ZFY: variants seen among roughly 807,000 people sequenced by gnomAD.
The protein encoded by ZFY is zinc finger protein Y-linked.
For missense variants in ZFY, 113 were observed against 170.9 expected (o/e 0.66, Z 1.89); for synonymous variants, 47 against 55.8 (o/e 0.84, Z 0.71).
chrY:2,945,903 T>C (rs2051261128), intron 1 of ZFY, among the ~76,000 whole-genome samples: 3 of 33,831 alleles, frequency 8.9e-5, no homozygotes, highest in Non-Finnish European at 1.5e-4. Context: ...ATTATGTCAC[T>C]ATTTTCTTTT....
At chrY:2,957,869 G>T (rs2051297814) in intron 2 of ZFY, among the ~76,000 whole-genome samples, 1 of 33,699 alleles carries the variant, frequency 3.0e-5, no homozygotes, top group Non-Finnish European at 7.4e-5. Flanking sequence ...CAGTTTCATT[G>T]TTCTCTGGAT....
intron 3 of ZFY, among the ~76,000 whole-genome samples, chrY:2,973,809 T>G: frequency 3.0e-5 from 1 of 33,232 alleles, no homozygotes; most frequent in African/African-American, 1.2e-4. Context: ...GAATGTATTT[T>G]TTAAGACATT....
chrY:2,979,788 T>C lies in ZFY; in HGVS notation c.2201T>C (p.Met734Thr). 2 of 399,276 alleles carry C rather than the reference T, an allele frequency of 5.0e-6. No individual in the cohort carries two copies. The highest frequency in any genetic ancestry group is 3.0e-5 in the South Asian group (1 of 33,823). ...CAACAAAATGAGCTTAAAAAGCATA[T>C]GAAGACACACAGTGGCAGGAAAGTA... is the stretch of plus-strand genomic sequence containing the variant. The part of the protein sequence containing the change: ...FRQQNELKKH[M>T]KTHSGRKVYQ... The change falls in exon 8 of 8, where the codon ATG becomes ACG. Residue 734 changes from methionine (M) to threonine (T), a missense_variant. Coordinates refer to ENST00000155093, the MANE Select transcript of ZFY (RefSeq NM_003411.4).
intron 3 of ZFY, among the ~76,000 whole-genome samples, chrY:2,963,546 T>C: frequency 3.0e-5 from 1 of 33,767 alleles, no homozygotes; most frequent in Non-Finnish European, 7.4e-5. Context: ...AGGTGAACTT[T>C]ATAGCTGAAC....
At chrY:2,960,738 T>G (rs2051306455) in intron 2 of ZFY, among the ~76,000 whole-genome samples, 3 of 33,645 alleles carry the variant, frequency 8.9e-5, no homozygotes, top group African/African-American at 3.5e-4. Context: ...GAGAAATTTT[T>G]TATCTTGATG....
chrY:2,978,112 T>C, intron 7 of ZFY, 32 bp downstream of exon 7: 2 of 373,018 alleles, frequency 5.4e-6, no homozygotes, highest in African/African-American at 1.3e-4. Context: ...TGATGGAGTT[T>C]TAGCTAGTAG....
chrY:2,941,794 TA>T (rs2051242130), intron 1 of ZFY, among the ~76,000 whole-genome samples: 1 of 32,702 alleles, frequency 3.1e-5, no homozygotes, highest in Admixed American at 2.9e-4. Context: ...TGAGCCACCA[TA>T]CCTGGCCCCA....
chrY:2,937,989 ATT>A (rs372450449), intron 1 of ZFY, among the ~76,000 whole-genome samples: 2 of 17,822 alleles, frequency 1.1e-4, no homozygotes, highest in East Asian at 1.6e-3. Flanking sequence ...TCAAAGCAAC[ATT>A]TTTTTTTTTT....
intron 1 of ZFY, among the ~76,000 whole-genome samples, chrY:2,947,560 C>A: frequency 3.0e-5 from 1 of 33,730 alleles, no homozygotes; most frequent in Non-Finnish European, 7.4e-5. Context: ...ATGGCCATGA[C>A]TGTGATTGAA....
In ZFY at chrY:2,975,602, A is replaced by G; in HGVS notation, c.876A>G (p.Glu292=). The G allele has an allele frequency of 2.5e-6, 1 of 397,926 alleles. No homozygotes were observed. Among genetic ancestry groups the G allele is most frequent in the Non-Finnish European group, 3.5e-6 (1 of 282,997 alleles). ...DQNSSIRVPR[E]KMVYMTVNDS... is the part of the protein sequence containing the mutation. ...ACAGCAGTATTCGTGTTCCCAGGGA[A>G]AAGATGGTTTATATGACTGTCAATG... is the stretch of plus-strand genomic sequence containing the variant. The change falls in exon 5 of 8, where the codon GAA becomes GAG. Residue 292 remains glutamate, a synonymous_variant. Coordinates refer to ENST00000155093, the MANE Select transcript of ZFY (RefSeq NM_003411.4).
At chrY:2,971,709 A>G in intron 3 of ZFY, among the ~76,000 whole-genome samples, 3 of 33,492 alleles carry the variant, frequency 9.0e-5, no homozygotes, top group Non-Finnish European at 2.2e-4. Context: ...TTTAATAAAA[A>G]TAATTTACAC....
Position 2,935,643 on chromosome Y carries a change from C to G in ZFY, c.-155C>G. The stretch of plus-strand genomic sequence containing the variant: ...CCCTGAGCGGCTGCGGAGGTGCGCT[C>G]CATAAGCGGGCAGGGTGGGAAAAGT... On this transcript the variant is annotated 5_prime_UTR_variant, in exon 1 of 8. Coordinates refer to ENST00000155093, the MANE Select transcript of ZFY (RefSeq NM_003411.4). 2.8e-5 allele frequency: 1 copy of G among 35,460 alleles called. No individual in the cohort carries two copies. Among genetic ancestry groups the G allele is most frequent in the Non-Finnish European group, 7.1e-5 (1 of 14,091 alleles). 8.8% of individuals were successfully genotyped at this position (35,460 alleles called of 400,897 possible). A position where few individuals can be genotyped will look rare whatever the true frequency, so the allele number is the denominator to read the frequency against.
intron 1 of ZFY, among the ~76,000 whole-genome samples, chrY:2,939,908 T>G: frequency 2.9e-5 from 1 of 33,938 alleles, no homozygotes; most frequent in Non-Finnish European, 7.4e-5. Flanking sequence ...AAATGTAGGT[T>G]TATACTTTTT....
intron 1 of ZFY, among the ~76,000 whole-genome samples, chrY:2,938,025 T>G: frequency 3.6e-5 from 1 of 27,477 alleles, no homozygotes; most frequent in Non-Finnish European, 8.5e-5. Flanking sequence ...TCTCGCTCTG[T>G]CGCCCAGGCT....
chrY:2,968,469 C>T (rs904090150), intron 3 of ZFY, among the ~76,000 whole-genome samples: 9 of 30,804 alleles, frequency 2.9e-4, no homozygotes, highest in Non-Finnish European at 1.6e-4. Context: ...TGCCACCATG[C>T]CTGGGTAGTC....
At chrY:2,975,909 C>T (rs777221674) in intron 5 of ZFY, among the ~76,000 whole-genome samples, 17 of 32,198 alleles carry the variant, frequency 5.3e-4, no homozygotes, top group Admixed American at 2.6e-3. Flanking sequence ...GTTCAGCTCC[C>T]ACTTACGAGT....
chrY:2,962,138 C>T, intron 3 of ZFY, among the ~76,000 whole-genome samples: 1 of 32,774 alleles, frequency 3.1e-5, no homozygotes, highest in African/African-American at 1.2e-4. Flanking sequence ...TCACCAAGAC[C>T]ATCAACCACT....
At chrY:2,978,236 A>G (rs1041103872) in intron 7 of ZFY, among the ~76,000 whole-genome samples, 156 bp downstream of exon 7, 2 of 34,082 alleles carry the variant, frequency 5.9e-5, no homozygotes, top group African/African-American at 1.1e-4. Context: ...CATTCAGGAA[A>G]AAGAATTAAA....
chrY:2,947,216 C>T (rs2051264261), intron 1 of ZFY, among the ~76,000 whole-genome samples: 1 of 33,838 alleles, frequency 3.0e-5, no homozygotes, highest in Non-Finnish European at 7.3e-5. Context: ...ATGAAATAAA[C>T]ATTATGAATT....
Sources: gnomAD v4.1 joint callset for allele counts (sites outside exome capture counted in the v4.1 genomes callset) on GRCh38, gnomAD v4.1.1 for gene constraint, MANE v1.5 for transcripts, NCBI Gene and HGNC (gene_info 2026-07-23, HGNC 2026-07-21) for gene names.